The following CAPN2 variants were observed in gnomAD, a reference collection of about 807,000 sequenced individuals.
CAPN2 encodes the protein calpain 2.
CAPN2 carries 92 observed loss-of-function variants against 102.3 expected under a neutral mutation model. The observed-to-expected ratio is 0.90, with a 90% CI of 0.76 to 1.07. The LOEUF is 1.07. CAPN2 is among the 50% of genes least tolerant of loss of function. CAPN2 has a pLI of 0.00. For missense variants in CAPN2, 800 were observed against 909.4 expected, an observed-to-expected ratio of 0.88 and a Z score of 1.55; for synonymous variants, 340 against 355.4, an observed-to-expected ratio of 0.96 and a Z score of 0.49.
At chr1:223,708,377 T>G (rs1214176483), upstream of CAPN2, among the ~76,000 whole-genome samples, 1 of 148,860 alleles carries the variant, frequency 6.7e-6, no homozygotes, top group East Asian at 2.0e-4. Flanking sequence ...TGAGCCAAGA[T>G]CGCGCCATTG....
At chr1:223,768,459 A>G (rs1347915665) in intron 16 of CAPN2, among the ~76,000 whole-genome samples, 2 of 152,096 alleles carry the variant, frequency 1.3e-5, no homozygotes, top group African/African-American at 4.8e-5. Context: ...TCCTTTCCCC[A>G]TTGCTTGTTT....
chr1:223,744,636 A>G (rs1222135), intron 3 of CAPN2, among the ~76,000 whole-genome samples: 151,546 of 152,248 alleles, frequency 1, 75,424 homozygotes, highest in Middle Eastern at 1. Context: ...CGAGGTGGGC[A>G]GATCATTTGA....
At position 223,764,061 on chromosome 1, in the gene CAPN2, C is replaced by T; in HGVS notation, c.1633-89C>T. ...AAATGCACATTCATAGGCCCCACCG[C>T]AGGCCTACCTAATGCACTGGTGTCC... On this transcript the variant is annotated intron_variant, in intron 14 of 20. Transcript: ENST00000295006. 3 of 1,007,514 alleles carry T rather than the reference C, an allele frequency of 3.0e-6. No homozygotes were observed. The South Asian group carries it at 3.9e-5, about 13-fold the overall frequency. The allele number at this position is 1,007,514 out of a possible 1,614,324, so 62.4% of individuals were successfully genotyped here.
upstream of CAPN2, chr1:223,712,317 A>T: frequency 2.7e-6 from 1 of 371,022 alleles, no homozygotes; most frequent in Non-Finnish European, 3.8e-6. Flanking sequence ...CCAACTCTGG[A>T]CCGCGATTCG....
chr1:223,746,505 G>A (rs975653305), intron 4 of CAPN2, among the ~76,000 whole-genome samples: 9 of 93,998 alleles, frequency 9.6e-5, no homozygotes, highest in Non-Finnish European at 1.4e-4. Context: ...TTAATACGGA[G>A]CCTCATTCTG....
At chr1:223,774,080 C>T (rs531590813) in intron 20 of CAPN2, among the ~76,000 whole-genome samples, 18 of 152,162 alleles carry the variant, frequency 1.2e-4, no homozygotes, top group Admixed American at 3.9e-4. Flanking sequence ...AACTGTGACA[C>T]GAAACATGCC....
rs535862632 is a variant in CAPN2 at position 223,744,466 on chromosome 1, G to T, written c.426+248G>T. Among the ~76,000 whole-genome samples the T allele has an allele frequency of 5.0e-4, 76 of 151,968 alleles. 1 individual carries two copies. In the South Asian group the frequency reaches 9.8e-3, roughly 20 times the overall value. On this transcript the variant is annotated intron_variant, in intron 3 of 20. Transcript: ENST00000295006. ...AAGGGAGGTAGAGCAAGGTGTTCAG[G>T]AACTAATTCCCAAGTTTAAAAAAAA...
At chr1:223,768,454 TC>T (rs748540157) in intron 16 of CAPN2, among the ~76,000 whole-genome samples, 1 of 152,164 alleles carries the variant, frequency 6.6e-6, no homozygotes, top group East Asian at 1.9e-4. Context: ...GGGAATCCTT[TC>T]CCCATTGCTT....
At chr1:223,746,720 T>G (rs1318470270) in intron 4 of CAPN2, among the ~76,000 whole-genome samples, 1 of 152,122 alleles carries the variant, frequency 6.6e-6, no homozygotes, top group African/African-American at 2.4e-5. Context: ...CCTCAAGTGA[T>G]CCGCCCACCT....
intron 16 of CAPN2, among the ~76,000 whole-genome samples, chr1:223,767,578 C>G (rs1055032476): frequency 2.0e-5 from 3 of 151,538 alleles, no homozygotes; most frequent in Non-Finnish European, 4.4e-5. Context: ...TTTTCTTAAT[C>G]CAGTCTATCG....
At chr1:223,741,708 G>T (rs1038914017) in intron 2 of CAPN2, among the ~76,000 whole-genome samples, 3 of 151,982 alleles carry the variant, frequency 2.0e-5, no homozygotes, top group African/African-American at 7.3e-5. Flanking sequence ...GCCCGCCTTG[G>T]CCTCCCAAAG....
intron 1 of CAPN2, among the ~76,000 whole-genome samples, chr1:223,707,219 A>G (rs559496391): frequency 7.0e-4 from 106 of 151,646 alleles, no homozygotes; most frequent in African/African-American, 2.3e-3. Context: ...AGACACACAC[A>G]TTCTTATTCT....
chr1:223,757,479 TGGTGG>T, intron 11 of CAPN2, 99 bp downstream of exon 11: 1 of 1,365,676 alleles, frequency 7.3e-7, no homozygotes, highest in Non-Finnish European at 1.0e-6. Flanking sequence ...GGGCAGGGGC[TGGTGG>T]TCATGAAGGA....
intron 7 of CAPN2, among the ~76,000 whole-genome samples, chr1:223,751,583 G>A (rs1246230467): frequency 6.6e-6 from 1 of 151,580 alleles, no homozygotes; most frequent in Non-Finnish European, 1.5e-5. Context: ...CTTCTGCTCC[G>A]TGGACAGAGA....
intron 2 of CAPN2, among the ~76,000 whole-genome samples, chr1:223,732,448 G>A (rs8179303): frequency 6.6e-6 from 1 of 152,158 alleles, no homozygotes; most frequent in Non-Finnish European, 1.5e-5. Context: ...TTTAGATCAC[G>A]TAGGGTAACT....
At chr1:223,721,078 C>T (rs16842062) in intron 2 of CAPN2, among the ~76,000 whole-genome samples, 17,827 of 152,216 alleles carry the variant, frequency 0.12, 1,571 homozygotes, top group African/African-American at 0.21. Context: ...CAAACACCCA[C>T]GCTCCTTCCC....
At chr1:223,703,004 C>T (rs902968975) in intron 1 of CAPN2, among the ~76,000 whole-genome samples, 1 of 152,134 alleles carries the variant, frequency 6.6e-6, no homozygotes, top group East Asian at 1.9e-4. Context: ...CCCTGGATTT[C>T]GAATCAAGGA....
At chr1:223,712,898 C>T in intron 1 of CAPN2, 21 bp downstream of exon 1, 1 of 1,474,454 alleles carries the variant, frequency 6.8e-7, no homozygotes, top group Middle Eastern at 1.9e-4. Context: ...CGCGGCAGGA[C>T]GCGGGCAGGG....
chr1:223,726,871 G>A lies in CAPN2; in HGVS notation c.307+9040G>A, dbSNP rs1660206847. Among the ~76,000 whole-genome samples the A allele has an allele frequency of 6.6e-6, 1 of 152,202 alleles. No homozygotes were observed. The highest frequency in any genetic ancestry group is 2.1e-4 in the South Asian group (1 of 4,828). ...CAGACTCTGAAATGAGTAACAAAGG[G>A]ATGGCCCAGGGTGACTCATCAGCTA... On this transcript the variant is annotated intron_variant, in intron 2 of 20. Transcript: ENST00000295006. The surrounding 1 kb of genome is among the most constrained non-coding windows in gnomAD (Gnocchi z 4.4).
Sources: allele counts gnomAD v4.1 joint callset (sites outside exome capture counted in the v4.1 genomes callset), GRCh38; gene constraint gnomAD v4.1.1; non-coding constraint Gnocchi (gnomAD v3.1); transcripts MANE v1.5; gene names NCBI Gene and HGNC (gene_info 2026-07-23, HGNC 2026-07-21).